Variants in RNF38 observed in about 807,000 individuals in gnomAD.
RNF38 encodes the protein E3 ubiquitin-protein ligase RNF38.
Under a neutral mutation model 67.2 loss-of-function variants are expected in RNF38, and 15 were observed. The observed-to-expected ratio is 0.22, with a 90% CI of 0.15 to 0.34. The LOEUF (loss-of-function observed/expected upper bound fraction) is 0.34. RNF38 is among the 10% of genes least tolerant of loss of function. The probability of loss-of-function intolerance (pLI) is 1.00; values close to 1 mark genes in which losing one functional copy is unlikely to be tolerated. For synonymous variants in RNF38, 220 were observed against 218.8 expected (o/e 1.01, Z -0.05); for missense variants, 524 against 639.9 (o/e 0.82, Z 1.95).
chr9:36,364,501 G>A (rs184097871), intron 4 of RNF38, among the ~76,000 whole-genome samples: 82 of 152,206 alleles, frequency 5.4e-4, no homozygotes, highest in African/African-American at 2.0e-3. Flanking sequence ...ATAAACTTAC[G>A]AGACCACTGT....
intron 1 of RNF38, among the ~76,000 whole-genome samples, chr9:36,463,084 T>C (rs1433911573): frequency 6.6e-6 from 1 of 152,304 alleles, no homozygotes; most frequent in East Asian, 1.9e-4. Flanking sequence ...AAATAGCACC[T>C]GCTTTCATTC....
upstream of RNF38, chr9:36,400,396 C>G (rs539781887): frequency 3.5e-6 from 4 of 1,147,800 alleles, no homozygotes; most frequent in East Asian, 8.7e-5. Context: ...GGCGGCTCCG[C>G]GAGCTGAGAC....
intron 1 of RNF38, among the ~76,000 whole-genome samples, chr9:36,483,058 G>C (rs1456659500): frequency 6.6e-6 from 1 of 152,110 alleles, no homozygotes; most frequent in Non-Finnish European, 1.5e-5. Context: ...CTTTTGCTGG[G>C]TGCAATCTCT....
At chr9:36,418,789 AAAC>A (rs916781412) in intron 2 of RNF38, among the ~76,000 whole-genome samples, 18 of 151,610 alleles carry the variant, frequency 1.2e-4, no homozygotes, top group Admixed American at 5.9e-4. Context: ...CTGTCTCAAA[AAAC>A]AACAACAACA....
chr9:36,414,742 G>A (rs1270199515), intron 2 of RNF38, among the ~76,000 whole-genome samples: 1 of 150,778 alleles, frequency 6.6e-6, no homozygotes, highest in East Asian at 1.9e-4. Flanking sequence ...CTGTAGTGCT[G>A]GCTTGGTGGT....
At chr9:36,392,916 T>C (rs1837220720) in intron 1 of RNF38, among the ~76,000 whole-genome samples, 1 of 151,928 alleles carries the variant, frequency 6.6e-6, no homozygotes, top group Non-Finnish European at 1.5e-5. Context: ...GGAGTAAGAG[T>C]TCTGAATTAA....
At position 36,337,765 on chromosome 9, in the gene RNF38, CTAA is replaced by C. The variant is rs896837007; in HGVS notation, c.*1984_*1986del. The stretch of plus-strand genomic sequence containing the variant: ...TCATCAGGAACAGGTGAGGGATATC[CTAA>C]TGATTTAAAAGTAACATGTGCATTA... On this transcript the variant is annotated 3_prime_UTR_variant, in exon 12 of 12. Transcript: ENST00000259605. The C allele has an allele frequency of 6.6e-6, 1 of 152,436 alleles. No homozygotes were observed. The highest frequency in any genetic ancestry group is 2.4e-5 in the African/African-American group (1 of 41,392). The allele number at this position is 152,436 out of a possible 1,614,324, so 9.4% of individuals were successfully genotyped here.
Position 36,437,265 on chromosome 9 carries a change from A to G in RNF38, n.242-12582T>C, listed in dbSNP as rs565857943. Among the ~76,000 whole-genome samples the G allele has an allele frequency of 1.3e-4, 20 of 152,362 alleles. No homozygotes were observed. The South Asian group carries it at 3.7e-3, about 28-fold the overall frequency. ...ACAATGTATTTGGTTTTGTCTCAACATATCTTACAATTAAAATATCTTCTC... is the reference window on the plus strand; with the variant it reads ...ACAATGTATTTGGTTTTGTCTCAACGTATCTTACAATTAAAATATCTTCTC... On this transcript the variant is annotated intron_variant and non_coding_transcript_variant, in intron 1 of 3. Transcript: ENST00000488058.
intron 1 of RNF38, among the ~76,000 whole-genome samples, chr9:36,470,577 A>G (rs762088910): frequency 6.6e-6 from 1 of 152,204 alleles, no homozygotes; most frequent in Admixed American, 6.5e-5. Flanking sequence ...CTGTTATGTT[A>G]TAAGCTATTT....
rs1837891869 is a variant in RNF38 at position 36,400,112 on chromosome 9, G to A, written c.-4C>T. ...AATACTTTACCTTACAAGCCATACA[G>A]ACGTAAACAAAAACTTTATTTCTTT... On this transcript the variant is annotated 5_prime_UTR_variant, in exon 1 of 12. Coordinates refer to ENST00000259605, the MANE Select transcript of RNF38 (RefSeq NM_022781.5). 4 of 1,612,426 alleles carry A rather than the reference G, an allele frequency of 2.5e-6. No individual in the cohort carries two copies. Among genetic ancestry groups the A allele is most frequent in the East Asian group, 2.2e-5 (1 of 44,864 alleles).
rs940674531 is a variant in RNF38, at chr9:36,337,507, T to G, written c.*2245A>C. 1 of 152,642 alleles carries G rather than the reference T, an allele frequency of 6.6e-6. No individual in the cohort carries two copies. Among genetic ancestry groups the G allele is most frequent in the African/African-American group, 2.4e-5 (1 of 41,448 alleles). 9.5% of individuals were successfully genotyped at this position (152,642 alleles called of 1,614,324 possible). On this transcript the variant is annotated 3_prime_UTR_variant, in exon 12 of 12. Transcript: ENST00000259605. ...CAATGTGCTGTGTTAATTAGATACC[T>G]CTATATAAATTAGAAAAAGTGCTTT...
intron 1 of RNF38, among the ~76,000 whole-genome samples, chr9:36,397,066 T>A (rs1311952035): frequency 1.1e-5 from 1 of 93,888 alleles, no homozygotes; most frequent in Admixed American, 9.2e-5. Flanking sequence ...TATATACGTA[T>A]ATATATGTGT....
At chr9:36,440,546 G>GA (rs1000747818) in intron 1 of RNF38, among the ~76,000 whole-genome samples, 2 of 147,750 alleles carry the variant, frequency 1.4e-5, no homozygotes, top group East Asian at 2.0e-4. Flanking sequence ...AAAAAAGAAA[G>GA]AAAAAAAAGA....
intron 3 of RNF38, among the ~76,000 whole-genome samples, chr9:36,374,742 A>G (rs1023575586): frequency 6.6e-6 from 1 of 152,186 alleles, no homozygotes; most frequent in South Asian, 2.1e-4. Flanking sequence ...TTGGCCTCCC[A>G]AAGTACTGGG....
rs191783025 is a variant in RNF38 at position 36,415,525 on chromosome 9, G to A, written n.312+9088C>T. On this transcript the variant is annotated intron_variant and non_coding_transcript_variant, in intron 2 of 3. Transcript: ENST00000488058. ...TCCCATGGGGTGATCCCCTGACATGGTGCTCTCCCCCTTCCCCTAGGGATG... is the reference window on the plus strand; with the variant it reads ...TCCCATGGGGTGATCCCCTGACATGATGCTCTCCCCCTTCCCCTAGGGATG... Among the ~76,000 whole-genome samples, 967 of 152,230 alleles carry A rather than the reference G, an allele frequency of 6.4e-3. 6 individuals are homozygous for A. The highest frequency in any genetic ancestry group is 0.01 in the Non-Finnish European group (703 of 68,024).
At position 36,353,244 on chromosome 9, in the gene RNF38, G is replaced by C. The variant is rs145433267; in HGVS notation, c.997C>G (p.Pro333Ala). 227 of 1,612,888 alleles carry C rather than the reference G, an allele frequency of 1.4e-4. No homozygotes were observed. Among genetic ancestry groups the C allele is most frequent in the Middle Eastern group, 6.6e-4 (4 of 6,054 alleles). Residue 333 changes from proline to alanine, a missense_variant, in exon 7 of 12, where the codon CCA becomes GCA. Physicochemically the swap from Pro to Ala is conservative, Grantham distance 27. Coordinates refer to ENST00000259605, the MANE Select transcript of RNF38 (RefSeq NM_022781.5). ...GFTYPPSAHP[P>A]TLPPSAPLQF... The stretch of plus-strand genomic sequence containing the variant: ...AAGGGAGCTGATGGAGGTAATGTTG[G>C]GGGGTGGGCTGATGGAGGGTAAGTA...
intron 9 of RNF38, among the ~76,000 whole-genome samples, chr9:36,349,382 T>C (rs1427005723): frequency 6.6e-6 from 1 of 152,236 alleles, no homozygotes; most frequent in Non-Finnish European, 1.5e-5. Flanking sequence ...GATTGCAATG[T>C]TGAGCACCTT....
intron 11 of RNF38, among the ~76,000 whole-genome samples, chr9:36,340,083 G>A (rs1832730508): frequency 2.0e-5 from 3 of 152,206 alleles, no homozygotes; most frequent in African/African-American, 7.2e-5. Context: ...GGGTTCAAGC[G>A]ATTCTCCCGT....
intron 8 of RNF38, among the ~76,000 whole-genome samples, chr9:36,351,553 A>T (rs1187595063): frequency 1.3e-5 from 2 of 152,200 alleles, no homozygotes; most frequent in Non-Finnish European, 2.9e-5. Flanking sequence ...AGGAAATGCA[A>T]AAGACCTTAA....
Sources: allele counts gnomAD v4.1 joint callset (sites outside exome capture counted in the v4.1 genomes callset), GRCh38; gene constraint gnomAD v4.1.1; transcripts MANE v1.5; gene names NCBI Gene and HGNC (gene_info 2026-07-23, HGNC 2026-07-21).